GRK5: variants seen among roughly 807,000 people sequenced by gnomAD.
GRK5 encodes the protein G protein-coupled receptor kinase 5, also known as g protein-coupled receptor kinase GRK5.
GRK5 carries 40 observed loss-of-function variants against 78.4 expected under a neutral mutation model. That is an observed-to-expected ratio of 0.51 (90% CI 0.40 to 0.66). The LOEUF (loss-of-function observed/expected upper bound fraction) is 0.66, where lower values mean the gene tolerates loss of function less well. Ranked by LOEUF, GRK5 falls within the 30% of genes least tolerant of loss-of-function variation. GRK5 has a pLI of 0.00. For synonymous variants in GRK5, 289 were observed against 296.8 expected, an observed-to-expected ratio of 0.97 and a Z score of 0.27; for missense variants, 598 against 759.9, an observed-to-expected ratio of 0.79 and a Z score of 2.50.
At chr10:119,447,495 C>A (rs1323516211) in intron 12 of GRK5, among the ~76,000 whole-genome samples, 1 of 152,212 alleles carries the variant, frequency 6.6e-6, no homozygotes, top group East Asian at 1.9e-4. Flanking sequence ...TACCTGTATA[C>A]CCCTCCCCCT....
rs995535121 is a variant in GRK5, at chr10:119,264,609, G to T, written c.52+56640G>T. ...CAAGGCATGATTCTCATCGGGGCTT[G>T]GGTTTTGTGTACACATCTGAAATTG... On this transcript the variant is annotated intron_variant, in intron 1 of 15. Coordinates refer to ENST00000392870, the MANE Select transcript of GRK5 (RefSeq NM_005308.3). This position sits in a 1 kb window ranked among gnomAD's most constrained non-coding sequence, Gnocchi z 4.1. 3.9e-5 allele frequency among the ~76,000 whole-genome samples: 6 copies of T among 152,190 alleles called. No homozygotes were observed. Among genetic ancestry groups the T allele is most frequent in the Admixed American group, 2.6e-4 (4 of 15,286 alleles).
intron 1 of GRK5, among the ~76,000 whole-genome samples, chr10:119,309,911 C>G (rs776894179): frequency 2.0e-5 from 3 of 152,180 alleles, no homozygotes; most frequent in Non-Finnish European, 2.9e-5. Context: ...GACCCCTGTC[C>G]TCTCTGGGCT....
At position 119,378,492 on chromosome 10, in the gene GRK5, A is replaced by G. The variant is rs1391561975; in HGVS notation, c.149-2323A>G. 1.3e-5 allele frequency among the ~76,000 whole-genome samples: 2 copies of G among 152,250 alleles called. No individual in the cohort carries two copies. The highest frequency in any genetic ancestry group is 2.9e-5 in the Non-Finnish European group (2 of 68,038). The stretch of plus-strand genomic sequence containing the variant: ...CTTAGACCGGGCGAATTCCTCCCAA[A>G]AAAACCTTGCCCTCAGGTAGGTTAC... On this transcript the variant is annotated intron_variant, in intron 2 of 15. Coordinates refer to ENST00000392870, the MANE Select transcript of GRK5 (RefSeq NM_005308.3). The surrounding 1 kb of genome is among the most constrained non-coding windows in gnomAD (Gnocchi z 4.5).
At position 119,260,976 on chromosome 10, in the gene GRK5, G is replaced by A. The variant is rs1337960512; in HGVS notation, c.52+53007G>A. ...AGAGGGGCTCCTCACTTCCCAGTAG[G>A]GGCGGCCGGGCAGAGGCACCCCTCA... On this transcript the variant is annotated intron_variant, in intron 1 of 15. Transcript: ENST00000392870. 2.0e-5 allele frequency among the ~76,000 whole-genome samples: 3 copies of A among 151,154 alleles called. No individual in the cohort carries two copies. The East Asian group carries it at 6.0e-4, about 30-fold the overall frequency.
chr10:119,261,596 C>T (rs536669623), intron 1 of GRK5, among the ~76,000 whole-genome samples: 2 of 152,360 alleles, frequency 1.3e-5, no homozygotes, highest in East Asian at 3.9e-4. Flanking sequence ...CACTGCACTC[C>T]AGCCTGGGCG....
At chr10:119,289,882 C>G (rs1343205897) in intron 1 of GRK5, among the ~76,000 whole-genome samples, 1 of 152,224 alleles carries the variant, frequency 6.6e-6, no homozygotes, top group African/African-American at 2.4e-5. Context: ...CTGACACACA[C>G]TATTTAAAAC....
chr10:119,312,343 A>G (rs1386030112), intron 1 of GRK5, among the ~76,000 whole-genome samples: 2 of 152,188 alleles, frequency 1.3e-5, no homozygotes, highest in Non-Finnish European at 2.9e-5. Flanking sequence ...AAGGAGGCCA[A>G]ACCTGTTAAC....
chr10:119,332,317 G>A (rs953462220), intron 2 of GRK5, among the ~76,000 whole-genome samples: 6 of 152,100 alleles, frequency 3.9e-5, no homozygotes, highest in African/African-American at 1.4e-4. Context: ...ATGTTGCCCA[G>A]GCTGGTCTCA....
intron 1 of GRK5, among the ~76,000 whole-genome samples, chr10:119,320,922 G>A (rs114668322): frequency 2.6e-4 from 40 of 152,372 alleles, no homozygotes; most frequent in African/African-American, 9.4e-4. Flanking sequence ...GGGCCGTAGG[G>A]CCAGGTCACA....
intron 4 of GRK5, among the ~76,000 whole-genome samples, chr10:119,413,409 G>A (rs767942663): frequency 1.1e-4 from 16 of 150,906 alleles, no homozygotes; most frequent in Middle Eastern, 3.4e-3. Context: ...GCACACAGGC[G>A]CGTGCACACA....
At chr10:119,305,547 G>C (rs905896146) in intron 1 of GRK5, among the ~76,000 whole-genome samples, 1 of 152,244 alleles carries the variant, frequency 6.6e-6, no homozygotes, top group African/African-American at 2.4e-5. Flanking sequence ...GACACTGACT[G>C]AGGAGTGGTG....
intron 1 of GRK5, 50 bp from the exon 2 acceptor site, chr10:119,326,466 G>A (rs372390813): frequency 1.3e-5 from 19 of 1,487,914 alleles, no homozygotes; most frequent in African/African-American, 2.8e-5. Flanking sequence ...CTGCGGGGAC[G>A]CCGCAGGCTC....
intron 1 of GRK5, among the ~76,000 whole-genome samples, chr10:119,301,606 T>A (rs759160943): frequency 4.6e-5 from 7 of 152,200 alleles, no homozygotes; most frequent in Non-Finnish European, 7.3e-5. Context: ...TTGATCTTTC[T>A]AGGAGCGTCT....
intron 2 of GRK5, among the ~76,000 whole-genome samples, chr10:119,341,882 G>A (rs776050306): frequency 5.9e-5 from 9 of 152,226 alleles, no homozygotes; most frequent in Admixed American, 2.6e-4. Flanking sequence ...GCTGTCGCAT[G>A]TCAGTTCCGA....
intron 2 of GRK5, among the ~76,000 whole-genome samples, chr10:119,345,832 C>CTT (rs60190959): frequency 0.037 from 5,413 of 145,766 alleles, 201 homozygotes; most frequent in African/African-American, 0.098. Context: ...AGCTGTTTGA[C>CTT]TTTTTTTTTT....
chr10:119,223,637 G>A (rs66740964), intron 1 of GRK5, among the ~76,000 whole-genome samples: 4,263 of 151,604 alleles, frequency 0.028, 82 homozygotes, highest in Non-Finnish European at 0.044. Flanking sequence ...TTCTAGAGAC[G>A]GGGAGCTCAT....
intron 2 of GRK5, among the ~76,000 whole-genome samples, chr10:119,375,131 A>G (rs1456308386): frequency 6.6e-6 from 1 of 152,092 alleles, no homozygotes; most frequent in Non-Finnish European, 1.5e-5. Context: ...TGTTTTCTTT[A>G]GGACAGTCTT....
rs575083166 is a variant in GRK5, at chr10:119,303,070, C to T, written c.53-23446C>T. Among the ~76,000 whole-genome samples, 9 of 152,238 alleles carry T rather than the reference C, an allele frequency of 5.9e-5. No individual in the cohort carries two copies. In the East Asian group the frequency reaches 1.7e-3, roughly 29 times the overall value. ...GACCCTCGTGAGGTTGCACAGTGGG[C>T]AGGAGCGCAGAGAGGTGCACTCGTG... On this transcript the variant is annotated intron_variant, in intron 1 of 15. Coordinates refer to ENST00000392870, the MANE Select transcript of GRK5 (RefSeq NM_005308.3).
rs1205543315 is a variant in GRK5 at position 119,273,098 on chromosome 10, T to G, written c.53-53418T>G. 3.3e-5 allele frequency among the ~76,000 whole-genome samples: 5 copies of G among 152,290 alleles called. No homozygotes were observed. In the East Asian group the frequency reaches 9.6e-4, roughly 29 times the overall value. On this transcript the variant is annotated intron_variant, in intron 1 of 15. Coordinates refer to ENST00000392870, the MANE Select transcript of GRK5 (RefSeq NM_005308.3). The stretch of plus-strand genomic sequence containing the variant: ...CAGTCGTATTCCATGCCTCGGAATA[T>G]GAACAAAACCAGACCGGCGATGGCT...
Sources: gnomAD v4.1 joint callset for allele counts (sites outside exome capture counted in the v4.1 genomes callset) on GRCh38, gnomAD v4.1.1 for gene constraint, Gnocchi (gnomAD v3.1) non-coding constraint, MANE v1.5 for transcripts, NCBI Gene and HGNC (gene_info 2026-07-23, HGNC 2026-07-21) for gene names.